Variants in ANXA5 observed in about 807,000 individuals in gnomAD.
ANXA5 encodes the protein annexin A5, also known as CBP-I.
A neutral mutation model predicts 48.1 loss-of-function variants in ANXA5; 40 were observed. The ratio of observed to expected loss-of-function variants is 0.83; its 90% CI spans 0.65 to 1.08. The LOEUF (loss-of-function observed/expected upper bound fraction) is 1.08. ANXA5 is among the 50% of genes least tolerant of loss of function. The pLI, the probability that ANXA5 is intolerant of heterozygous loss-of-function variation, is 0.00. For synonymous variants in ANXA5, 113 were observed against 129.1 expected (o/e 0.88, Z 0.85); for missense variants, 357 against 376.8 (o/e 0.95, Z 0.44).
intron 12 of ANXA5, 62 bp from the exon 13 acceptor site, chr4:121,668,589 C>A: frequency 6.8e-7 from 1 of 1,468,520 alleles, no homozygotes; most frequent in Non-Finnish European, 9.5e-7. Context: ...AATTTTAAAA[C>A]TAAATAACTG....
chr4:121,696,465 A>G, intron 2 of ANXA5, 116 bp downstream of exon 2: 1 of 978,470 alleles, frequency 1.0e-6, no homozygotes, highest in Non-Finnish European at 1.4e-6. Flanking sequence ...GATGTCCCCA[A>G]AGCAGGTTCC....
At position 121,681,698 on chromosome 4, in the gene ANXA5, TCA is replaced by T. The variant is rs1386170083; in HGVS notation, c.365_366del (p.Leu122GlnfsTer8). The T allele has an allele frequency of 1.2e-6, 2 of 1,612,588 alleles. No homozygotes were observed. The highest frequency in any genetic ancestry group is 4.5e-5 in the East Asian group (2 of 44,784). Reference sequence around the variant, plus strand: ...TCTTCATAAACTTGTTTGATGGCTCTCAGTTCTTCAGGTGTCCTTGAAGCAAT... The same window carrying T: ...TCTTCATAAACTTGTTTGATGGCTCTGTTCTTCAGGTGTCCTTGAAGCAAT... Reference protein sequence around the residue: ...EIIASRTPEELRAIKQVYEEE... With the variant: ...EIIASRTPEEXRAIKQVYEEE... On this transcript the variant is annotated frameshift_variant, in exon 6 of 13. Transcript: ENST00000296511. LOFTEE classifies it high-confidence loss of function.
chr4:121,686,400 T>G (rs1301738870), intron 2 of ANXA5, 28 bp from the exon 3 acceptor site: 1 of 1,533,322 alleles, frequency 6.5e-7, no homozygotes, highest in African/African-American at 1.4e-5. Context: ...GTGGTATTAT[T>G]CATATCATGA....
At chr4:121,677,764 C>T (rs1424295832) in intron 8 of ANXA5, 130 bp downstream of exon 8, 1 of 804,126 alleles carries the variant, frequency 1.2e-6, no homozygotes, top group South Asian at 1.7e-5. Context: ...AGGTCTTATG[C>T]TATGTAAATA....
intron 8 of ANXA5, among the ~76,000 whole-genome samples, chr4:121,675,809 A>C (rs1277663441): frequency 6.6e-6 from 1 of 152,244 alleles, no homozygotes; most frequent in African/African-American, 2.4e-5. Context: ...CAGAATCTGC[A>C]ATTAAAGGTC....
chr4:121,685,185 C>A (rs1189622367), intron 3 of ANXA5, among the ~76,000 whole-genome samples: 1 of 152,044 alleles, frequency 6.6e-6, no homozygotes, highest in Admixed American at 6.6e-5. Flanking sequence ...TTCTACCCCC[C>A]ATTCCCAACC....
intron 2 of ANXA5, among the ~76,000 whole-genome samples, chr4:121,694,402 T>C (rs1578451162): frequency 6.6e-6 from 1 of 152,294 alleles, no homozygotes; most frequent in African/African-American, 2.4e-5. Context: ...AAACTTTTTT[T>C]TTGAGACGTA....
intron 6 of ANXA5, 76 bp from the exon 7 acceptor site, chr4:121,678,570 A>C: frequency 8.6e-7 from 1 of 1,162,360 alleles, no homozygotes; most frequent in East Asian, 2.5e-5. Flanking sequence ...TAATCAAATG[A>C]AAGCGATGTA....
chr4:121,680,705 C>T (rs1425400914), intron 6 of ANXA5, among the ~76,000 whole-genome samples: 2 of 152,150 alleles, frequency 1.3e-5, no homozygotes, highest in East Asian at 1.9e-4. Context: ...AGGCTCTCAT[C>T]AACGTCAACA....
intron 2 of ANXA5, among the ~76,000 whole-genome samples, chr4:121,691,802 C>T (rs951599545): frequency 1.3e-5 from 2 of 151,838 alleles, no homozygotes; most frequent in African/African-American, 2.4e-5. Context: ...TAATGGTTCC[C>T]GCTAATGAGA....
At chr4:121,678,549 T>C (rs1724736086) in intron 6 of ANXA5, 55 bp from the exon 7 acceptor site, 2 of 1,377,610 alleles carry the variant, frequency 1.5e-6, no homozygotes, top group Non-Finnish European at 1.0e-6. Context: ...AGAAAAGTAA[T>C]CTTGCCCCAT....
chr4:121,683,504 T>C, intron 4 of ANXA5, 27 bp from the exon 5 acceptor site: 1 of 1,298,324 alleles, frequency 7.7e-7, no homozygotes, highest in African/African-American at 1.5e-5. Context: ...ACAAATTTGT[T>C]AACCAGCAGA....
At chr4:121,676,523 T>C (rs1724700876) in intron 8 of ANXA5, among the ~76,000 whole-genome samples, 1 of 152,194 alleles carries the variant, frequency 6.6e-6, no homozygotes, top group Admixed American at 6.5e-5. Flanking sequence ...GGTAGAGTTA[T>C]GTGCTCATTC....
chr4:121,682,603 C>A (rs553148185), intron 5 of ANXA5, among the ~76,000 whole-genome samples: 102 of 152,062 alleles, frequency 6.7e-4, no homozygotes, highest in African/African-American at 2.4e-3. Context: ...TTGTTTATTC[C>A]AAAAGAATCA....
chr4:121,683,309 C>A, intron 5 of ANXA5, 55 bp downstream of exon 5: 2 of 1,078,068 alleles, frequency 1.9e-6, no homozygotes, highest in Non-Finnish European at 2.6e-6. Context: ...AAGTAATTAC[C>A]AAAACAAAAT....
chr4:121,677,514 T>C lies in ANXA5; in HGVS notation c.531+380A>G, dbSNP rs530040558. ...CATCTCTTATGTAATTAAACACCACTTACTGTTAAATACTTTATTCTTTCT... is the reference window on the plus strand; with the variant it reads ...CATCTCTTATGTAATTAAACACCACCTACTGTTAAATACTTTATTCTTTCT... On this transcript the variant is annotated intron_variant, in intron 8 of 12. Coordinates refer to ENST00000296511, the MANE Select transcript of ANXA5 (RefSeq NM_001154.4). Among the ~76,000 whole-genome samples, 13 of 152,312 alleles carry C rather than the reference T, an allele frequency of 8.5e-5. No individual in the cohort carries two copies. The South Asian group carries it at 2.3e-3, about 27-fold the overall frequency.
Position 121,688,510 on chromosome 4 carries a change from A to G in ANXA5, c.10-2138T>C, listed in dbSNP as rs931675093. Among the ~76,000 whole-genome samples the G allele has an allele frequency of 2.0e-5, 3 of 152,174 alleles. No individual in the cohort carries two copies. The East Asian group carries it at 5.8e-4, about 29-fold the overall frequency. ...TTGAACCTAATCTCTCTCCCCTGTG[A>G]TAACAGTCATGACTTACATTGTAGT... On this transcript the variant is annotated intron_variant, in intron 2 of 12. Transcript: ENST00000296511.
chr4:121,696,638 G>A lies in ANXA5; in HGVS notation c.-35-14C>T. ...GGTGAAGCAGGACTGCAAAAGAGAA[G>A]AAACCTCGGGCTTAGCGCGCCATTT... is the stretch of plus-strand genomic sequence containing the variant. On this transcript the variant is annotated splice_polypyrimidine_tract_variant and intron_variant, in intron 1 of 12. Coordinates refer to ENST00000296511, the MANE Select transcript of ANXA5 (RefSeq NM_001154.4). The A allele has an allele frequency of 7.3e-7, 1 of 1,364,996 alleles. No individual in the cohort carries two copies. The highest frequency in any genetic ancestry group is 9.5e-7 in the Non-Finnish European group (1 of 1,047,774). The allele number at this position is 1,364,996 out of a possible 1,614,324, so 84.6% of individuals were successfully genotyped here.
chr4:121,680,537 T>C (rs1413134067), intron 6 of ANXA5, among the ~76,000 whole-genome samples: 4 of 152,214 alleles, frequency 2.6e-5, no homozygotes, highest in African/African-American at 9.6e-5. Context: ...ACAAACTGCT[T>C]GAGGACAGGA....
Sources: gnomAD v4.1 joint callset for allele counts (sites outside exome capture counted in the v4.1 genomes callset) on GRCh38, gnomAD v4.1.1 for gene constraint, MANE v1.5 for transcripts, NCBI Gene and HGNC (gene_info 2026-07-23, HGNC 2026-07-21) for gene names.